Variants in CAB39 observed in about 807,000 individuals in gnomAD.
CAB39 encodes the protein calcium-binding protein 39.
CAB39 carries 8 observed loss-of-function variants against 40.0 expected under a neutral mutation model. That is an observed-to-expected ratio of 0.20 (90% CI 0.12 to 0.36). The LOEUF (loss-of-function observed/expected upper bound fraction) is 0.36. Among genes scored for constraint, CAB39 ranks in the 10% least tolerant of loss-of-function variants. The probability of loss-of-function intolerance (pLI) is 1.00; values close to 1 mark genes in which losing one functional copy is unlikely to be tolerated. For missense variants in CAB39, 270 were observed against 401.1 expected (o/e 0.67, Z 2.79); for synonymous variants, 156 against 141.6 (o/e 1.10, Z -0.72).
At chr2:230,715,134 C>T (rs145298396) in intron 1 of CAB39, among the ~76,000 whole-genome samples, 2 of 152,106 alleles carry the variant, frequency 1.3e-5, no homozygotes, top group African/African-American at 4.8e-5. Context: ...TATGTATACA[C>T]ACACACATCT....
At chr2:230,725,459 G>A (rs1694549972) in intron 1 of CAB39, 28 of 1,422,888 alleles carry the variant, frequency 2.0e-5, no homozygotes, top group Middle Eastern at 2.4e-4. Flanking sequence ...CCCGCCACCC[G>A]GCCACTCCTG....
At chr2:230,715,943 C>T (rs180805435) in intron 1 of CAB39, among the ~76,000 whole-genome samples, 3 of 152,240 alleles carry the variant, frequency 2.0e-5, no homozygotes, top group South Asian at 2.1e-4. Context: ...CAAGTAATCT[C>T]GCCTTGTCCT....
intron 1 of CAB39, among the ~76,000 whole-genome samples, chr2:230,720,596 T>C (rs1012937376): frequency 2.1e-4 from 32 of 152,080 alleles, no homozygotes; most frequent in African/African-American, 7.5e-4. Context: ...CCACCATGCA[T>C]GGCTAATTTT....
At chr2:230,750,290 T>C (rs1695062985) in intron 1 of CAB39, among the ~76,000 whole-genome samples, 1 of 152,220 alleles carries the variant, frequency 6.6e-6, no homozygotes, top group African/African-American at 2.4e-5. Flanking sequence ...TCTCACTGTT[T>C]TGGGACTGGA....
At chr2:230,735,258 C>T (rs895225919) in intron 1 of CAB39, among the ~76,000 whole-genome samples, 3 of 147,128 alleles carry the variant, frequency 2.0e-5, no homozygotes, top group Non-Finnish European at 4.5e-5. Flanking sequence ...CCTCTGCCTC[C>T]CGGGTTCAAG....
chr2:230,799,387 C>T (rs116007251), intron 5 of CAB39, among the ~76,000 whole-genome samples: 3,005 of 152,314 alleles, frequency 0.02, 91 homozygotes, highest in African/African-American at 0.068. Context: ...CATCTCTGCT[C>T]ACACTGGATC....
chr2:230,763,150 C>T (rs1234025051), intron 2 of CAB39, among the ~76,000 whole-genome samples: 1 of 152,028 alleles, frequency 6.6e-6, no homozygotes, highest in African/African-American at 2.4e-5. Context: ...ACCATATTGT[C>T]CAAAACAAAA....
At chr2:230,785,933 G>C (rs1695782343) in intron 2 of CAB39, among the ~76,000 whole-genome samples, 1 of 151,662 alleles carries the variant, frequency 6.6e-6, no homozygotes, top group Non-Finnish European at 1.5e-5. Context: ...GGGAGGCCGA[G>C]GCAGGCGGAT....
chr2:230,794,230 C>CA (rs1225212847), intron 4 of CAB39, among the ~76,000 whole-genome samples: 1 of 152,206 alleles, frequency 6.6e-6, no homozygotes, highest in African/African-American at 2.4e-5. Context: ...CTTGTTTAGA[C>CA]AAAGTGTGAG....
At chr2:230,790,704 T>C (rs1179469552) in intron 2 of CAB39, among the ~76,000 whole-genome samples, 168 bp from the exon 3 acceptor site, 1 of 152,242 alleles carries the variant, frequency 6.6e-6, no homozygotes, top group Non-Finnish European at 1.5e-5. Flanking sequence ...CACGCAGACA[T>C]AGCGCCCAGC....
At chr2:230,818,038 A>G (rs1165928552) in intron 8 of CAB39, 141 bp downstream of exon 8, 7 of 752,678 alleles carry the variant, frequency 9.3e-6, no homozygotes, top group Non-Finnish European at 1.5e-5. Context: ...TTTGTGTGCT[A>G]TGACTTTTAA....
At chr2:230,742,331 C>T (rs576866824) in intron 1 of CAB39, among the ~76,000 whole-genome samples, 5 of 152,190 alleles carry the variant, frequency 3.3e-5, no homozygotes, top group South Asian at 2.1e-4. Flanking sequence ...CCCGCCACCA[C>T]GCCCGGCTAA....
At chr2:230,805,798 T>C (rs1696182155) in intron 5 of CAB39, among the ~76,000 whole-genome samples, 2 of 152,254 alleles carry the variant, frequency 1.3e-5, no homozygotes, top group African/African-American at 2.4e-5. Context: ...TTGTATGTTA[T>C]ATCCATATGC....
chr2:230,726,139 A>G (rs547823985), intron 1 of CAB39, among the ~76,000 whole-genome samples: 1 of 152,140 alleles, frequency 6.6e-6, no homozygotes, highest in East Asian at 1.9e-4. Flanking sequence ...CTTGAAAGTC[A>G]TTTTGATGTT....
rs778975808 is a variant in CAB39, at chr2:230,814,145, C to T, written c.693+31C>T. The T allele has an allele frequency of 6.6e-6, 7 of 1,066,458 alleles. No individual in the cohort carries two copies. The African/African-American group carries it at 1.1e-4, about 17-fold the overall frequency. The allele number at this position is 1,066,458 out of a possible 1,614,324, so 66.1% of individuals were successfully genotyped here. On this transcript the variant is annotated intron_variant, in intron 7 of 8. Coordinates refer to ENST00000258418, the MANE Select transcript of CAB39 (RefSeq NM_016289.4). ...ACAGACCATTTTGTATAGCTTATTTCTCTGTACCTTGTGTTTGAAATGTGG... is the reference window on the plus strand; with the variant it reads ...ACAGACCATTTTGTATAGCTTATTTTTCTGTACCTTGTGTTTGAAATGTGG...
intron 6 of CAB39, 57 bp from the exon 7 acceptor site, chr2:230,813,992 T>C (rs1696352528): frequency 2.5e-6 from 1 of 400,374 alleles, no homozygotes; most frequent in Non-Finnish European, 4.4e-6. Flanking sequence ...TTTTTTTTTT[T>C]TTTTTTTTTT....
At chr2:230,748,664 G>A (rs113057127) in intron 1 of CAB39, among the ~76,000 whole-genome samples, 343 of 151,224 alleles carry the variant, frequency 2.3e-3, no homozygotes, top group Middle Eastern at 6.8e-3. Context: ...AAATTAGCTG[G>A]CAGTGGTGGC....
intron 5 of CAB39, among the ~76,000 whole-genome samples, chr2:230,808,562 TTTC>T (rs1219365638): frequency 1.3e-5 from 2 of 152,242 alleles, no homozygotes; most frequent in East Asian, 1.9e-4. Context: ...CTCTTACCAC[TTTC>T]TTCTTCTCCT....
At chr2:230,797,502 A>G (rs1296256642) in intron 4 of CAB39, among the ~76,000 whole-genome samples, 4 of 149,750 alleles carry the variant, frequency 2.7e-5, no homozygotes, top group Non-Finnish European at 5.9e-5. Flanking sequence ...AATGATGCCA[A>G]ATTATAGAAA....
Sources: gnomAD v4.1 joint callset for allele counts (sites outside exome capture counted in the v4.1 genomes callset) on GRCh38, gnomAD v4.1.1 for gene constraint, MANE v1.5 for transcripts, NCBI Gene and HGNC (gene_info 2026-07-23, HGNC 2026-07-21) for gene names.